TTN: variants seen among roughly 807,000 people sequenced by gnomAD.
The protein encoded by TTN is titin, also known as connectin.
A neutral mutation model predicts 3,223.0 loss-of-function variants in TTN; 1,525 were observed. The ratio of observed to expected loss-of-function variants is 0.47; its 90% CI spans 0.45 to 0.49. The LOEUF (loss-of-function observed/expected upper bound fraction) is 0.49. Among genes scored for constraint, TTN ranks in the 20% least tolerant of loss-of-function variants. The probability of loss-of-function intolerance (pLI) is 0.00; values close to 1 mark genes in which losing one functional copy is unlikely to be tolerated. For synonymous variants in TTN, 14,094 were observed against 15,161.0 expected, an observed-to-expected ratio of 0.93 and a Z score of 5.17; for missense variants, 40,786 against 43,424.0, an observed-to-expected ratio of 0.94 and a Z score of 5.40.
rs553520141 is a variant in TTN, at chr2:178,698,880, T to G, written c.30717A>C (p.Lys10239Asn). The change falls in exon 112 of 363, where the codon AAA (lysine) becomes AAC (asparagine). Residue 10239 changes from lysine (K) to asparagine (N), a missense_variant. Transcript: ENST00000589042. ...TKKAVKKDAKKVVAKPKEMTP... is the reference protein window; with the variant it reads ...TKKAVKKDAKNVVAKPKEMTP... Reference sequence around the variant, plus strand: ...TCATCTCTTTGGGCTTTGCAACAACTTTTTTGGCATCTTTCTTCACAGCCT... The same window carrying G: ...TCATCTCTTTGGGCTTTGCAACAACGTTTTTGGCATCTTTCTTCACAGCCT... 45 of 1,538,130 alleles carry G rather than the reference T, an allele frequency of 2.9e-5. No individual in the cohort carries two copies. The East Asian group carries it at 1.1e-3, about 37-fold the overall frequency.
chr2:178,542,347 T>C lies in TTN; in HGVS notation c.97409A>G (p.Tyr32470Cys). The change falls in exon 349 of 363, where the codon TAT becomes TGT. Residue 32470 changes from tyrosine (Y) to cysteine (C), a missense_variant. Transcript: ENST00000589042. ...KFTRLTEGNE[Y>C]VFRVAATNRF... Reference sequence around the variant, plus strand: ...GTTTGTTGCAGCCACACGGAACACATACTCATTTCCTTCGGTGAGTCTGGT... The same window carrying C: ...GTTTGTTGCAGCCACACGGAACACACACTCATTTCCTTCGGTGAGTCTGGT... 2 of 1,613,468 alleles carry C rather than the reference T, an allele frequency of 1.2e-6. No homozygotes were observed. Among genetic ancestry groups the C allele is most frequent in the Non-Finnish European group, 1.7e-6 (2 of 1,179,678 alleles).
At chr2:178,779,740 A>G (rs2092598081) in intron 22 of TTN, 4 of 537,610 alleles carry the variant, frequency 7.4e-6, no homozygotes, top group South Asian at 4.5e-5. Flanking sequence ...GAATGAACTC[A>G]GCTGTGCTAA....
rs2092390398 is a variant in TTN, at chr2:178,777,852, C to T, written c.4332G>A (p.Glu1444=). 6.2e-7 allele frequency: 1 copy of T among 1,614,056 alleles called. No homozygotes were observed. Among genetic ancestry groups the T allele is most frequent in the Middle Eastern group, 1.7e-4 (1 of 6,060 alleles). Residue 1444 remains glutamate (E), a synonymous_variant, in exon 25 of 363, where the codon GAG becomes GAA. Transcript: ENST00000589042. The stretch of plus-strand genomic sequence containing the variant: ...TCTCAAGTTGTGACTCATCTGTCTC[C>T]TCCAGCCTACGTCCAGGGGACATTC... ...PARMSPGRRL[E]ETDESQLERL...
Position 178,773,326 on chromosome 2 carries a change from T to A in TTN, c.7638A>T (p.Glu2546Asp). The change falls in exon 33 of 363, where the codon GAA (glutamate) becomes GAT (aspartate). Residue 2546 changes from glutamate (E) to aspartate (D), a missense_variant. Glu to Asp is a conservative substitution (Grantham distance 45). Transcript: ENST00000589042. ...CAACCTCAAACACCACATTTTGAGTTTCTGTACAGGTAAGGTCACGAAGAC... is the reference window on the plus strand; with the variant it reads ...CAACCTCAAACACCACATTTTGAGTATCTGTACAGGTAAGGTCACGAAGAC... ...IRGLRDLTCTETQNVVFEVEL... is the reference protein window; with the variant it reads ...IRGLRDLTCTDTQNVVFEVEL... The A allele has an allele frequency of 6.2e-7, 1 of 1,614,004 alleles. No individual in the cohort carries two copies. Among genetic ancestry groups the A allele is most frequent in the Non-Finnish European group, 8.5e-7 (1 of 1,179,992 alleles).
chr2:178,637,146 G>GAGATAT (rs563909076), intron 224 of TTN, among the ~76,000 whole-genome samples: 1 of 49,186 alleles, frequency 2.0e-5, no homozygotes, highest in East Asian at 6.6e-4. Context: ...AATATAGTTG[G>GAGATAT]ATATATATAT....
rs1362825687 is a variant in TTN, at chr2:178,564,759, T to G, written c.81373A>C (p.Thr27125Pro). Residue 27125 changes from threonine (T) to proline (P), a missense_variant, in exon 326 of 363, where the codon ACC (threonine) becomes CCC (proline). Physicochemically the swap from Thr to Pro is conservative, Grantham distance 38 (BLOSUM62 -1). Transcript: ENST00000589042. ...NSILWVKLNKTPIQDTKFKTT... is the reference protein window; with the variant it reads ...NSILWVKLNKPPIQDTKFKTT... ...TTGAATTTGGTGTCCTGAATGGGGG[T>G]CTTATTTAACTTGACCCATAAAATA... The G allele has an allele frequency of 2.5e-6, 4 of 1,612,312 alleles. No homozygotes were observed. Among genetic ancestry groups the G allele is most frequent in the Non-Finnish European group, 2.5e-6 (3 of 1,179,100 alleles).
chr2:178,794,310 CT>C, intron 8 of TTN, 88 bp downstream of exon 8: 1 of 1,581,666 alleles, frequency 6.3e-7, no homozygotes, highest in Non-Finnish European at 8.6e-7. Flanking sequence ...TTGAGCACAG[CT>C]GCATGCCAAG....
At chr2:178,633,149 C>A (rs1290554746) in intron 233 of TTN, 38 bp downstream of exon 233, 1 of 1,603,390 alleles carries the variant, frequency 6.2e-7, no homozygotes. Flanking sequence ...CACAACCAAG[C>A]AACCCCTCTC....
chr2:178,749,595 AT>A, intron 47 of TTN: 1 of 1,612,046 alleles, frequency 6.2e-7, no homozygotes, highest in Non-Finnish European at 8.5e-7. Context: ...TCTCTGGAAT[AT>A]TTTCCATAAA....
In TTN at chr2:178,579,923, T is replaced by C; in HGVS notation, c.67348+16A>G. The C allele has an allele frequency of 1.2e-6, 2 of 1,612,858 alleles. No homozygotes were observed. Among genetic ancestry groups the C allele is most frequent in the South Asian group, 2.2e-5 (2 of 91,008 alleles). On this transcript the variant is annotated intron_variant, in intron 318 of 362. Coordinates refer to ENST00000589042, the MANE Select transcript of TTN (RefSeq NM_001267550.2). ...GATATAACTCAAAATGATGGGATGA[T>C]GGTTCATTTGCTTACGGGAAGCTTT...
rs1415840930 is a variant in TTN, at chr2:178,572,433, A to C, written c.73699T>G (p.Ser24567Ala). The C allele has an allele frequency of 6.2e-7, 1 of 1,612,692 alleles. No individual in the cohort carries two copies. Among genetic ancestry groups the C allele is most frequent in the Non-Finnish European group, 8.5e-7 (1 of 1,179,018 alleles). Residue 24567 changes from serine to alanine, a missense_variant, in exon 326 of 363, where the codon TCA becomes GCA. Transcript: ENST00000589042. Reference sequence around the variant, plus strand: ...TTGTGGCAGTTTGTTGCAACAGTTGAATATGCTTTTCTTGTTGATTCCCGC... The same window carrying C: ...TTGTGGCAGTTTGTTGCAACAGTTGCATATGCTTTTCTTGTTGATTCCCGC... The part of the protein sequence containing the change: ...EKRESTRKAY[S>A]TVATNCHKTS...
chr2:178,725,530 C>T lies in TTN; in HGVS notation c.20674G>A (p.Glu6892Lys), dbSNP rs185833299. ...TTTTCACTTTCTCTAATCACTTCTT[C>T]CTTCTCTTTAAGCCACTGGACAAAA... Reference protein sequence around the residue: ...PIFVQWLKEKEEVIRESENIR... With the variant: ...PIFVQWLKEKKEVIRESENIR... Residue 6892 changes from glutamate (E) to lysine (K), a missense_variant, in exon 71 of 363, where the codon GAA (glutamate) becomes AAA (lysine). Transcript: ENST00000589042. 12 of 1,613,224 alleles carry T rather than the reference C, an allele frequency of 7.4e-6. No individual in the cohort carries two copies. In the African/African-American group the frequency reaches 1.3e-4, roughly 18 times the overall value.
chr2:178,745,320 A>G, intron 47 of TTN: 2 of 1,299,572 alleles, frequency 1.5e-6, no homozygotes, highest in Non-Finnish European at 2.0e-6. Flanking sequence ...ACAAACAATT[A>G]GGTAGCCAAG....
At chr2:178,637,164 T>TATAC (rs2060567402) in intron 224 of TTN, among the ~76,000 whole-genome samples, 1 of 120,496 alleles carries the variant, frequency 8.3e-6, no homozygotes, top group African/African-American at 3.6e-5. Flanking sequence ...TATATATATA[T>TATAC]ATATATATAT....
intron 89 of TTN, 29 bp from the exon 90 acceptor site, chr2:178,715,293 T>G (rs2077313707): frequency 6.4e-7 from 1 of 1,573,066 alleles, no homozygotes; most frequent in Admixed American, 1.8e-5. Context: ...AAAATACGGA[T>G]GTATTCTGTA....
chr2:178,563,817 C>T lies in TTN; in HGVS notation c.82315G>A (p.Glu27439Lys), dbSNP rs748460030. Reference protein sequence around the residue: ...YKVTKLLPGNEYIFRVMAVNK... With the variant: ...YKVTKLLPGNKYIFRVMAVNK... ...ACAGCCATGACACGGAAAATGTACT[C>T]ATTACCAGGAAGAAGTTTAGTAACT... The change falls in exon 326 of 363, where the codon GAG becomes AAG. Residue 27439 changes from glutamate (E) to lysine (K), a missense_variant. Transcript: ENST00000589042. This position sits in a 1 kb window ranked among gnomAD's most constrained non-coding sequence, Gnocchi z 4.5. 5 of 1,613,578 alleles carry T rather than the reference C, an allele frequency of 3.1e-6. No homozygotes were observed. In the African/African-American group the frequency reaches 4.0e-5, roughly 13 times the overall value.
chr2:178,542,073 G>A (rs72648268), intron 349 of TTN, 191 bp downstream of exon 349: 383 of 506,404 alleles, frequency 7.6e-4, no homozygotes, highest in Non-Finnish European at 1.2e-3. Context: ...TCAAGCCTAA[G>A]TGTGTTGAAA....
Position 178,734,788 on chromosome 2 carries a change from C to T in TTN, c.15136G>A (p.Val5046Ile), listed in dbSNP as rs1395287554. 2 of 1,613,792 alleles carry T rather than the reference C, an allele frequency of 1.2e-6. No individual in the cohort carries two copies. The highest frequency in any genetic ancestry group is 1.1e-5 in the South Asian group (1 of 91,056). ...CATGAGTAACTCCCACTGTCTTCAA[C>T]TTTTACATCCGTAATATCAAGTATA... ...EAILDITDVK[V>I]EDSGSYSCEA... The change falls in exon 51 of 363, where the codon GTT (valine) becomes ATT (isoleucine). Residue 5046 changes from valine (V) to isoleucine (I), a missense_variant. Physicochemically the swap from Val to Ile is conservative, Grantham distance 29. Coordinates refer to ENST00000589042, the MANE Select transcript of TTN (RefSeq NM_001267550.2).
rs201246720 is a variant in TTN, at chr2:178,534,690, T to C, written c.101925A>G (p.Leu33975=). ...GTGCATAGTATTCTGGGGCAGTGAA[T>C]AGAAGCCTGAAGTTGTCCCCTGGTT... ...QLKPGDNFRL[L]FTAPEYYAPE... is the part of the protein sequence containing the mutation. The change falls in exon 358 of 363, where the codon CTA becomes CTG. Residue 33975 remains leucine (L), a synonymous_variant. Coordinates refer to ENST00000589042, the MANE Select transcript of TTN (RefSeq NM_001267550.2). The C allele has an allele frequency of 5.4e-4, 868 of 1,613,878 alleles. 1 individual carries two copies. Among genetic ancestry groups the C allele is most frequent in the Non-Finnish European group, 7.1e-4 (835 of 1,179,804 alleles).
Sources: allele counts gnomAD v4.1 joint callset (sites outside exome capture counted in the v4.1 genomes callset), GRCh38; gene constraint gnomAD v4.1.1; non-coding constraint Gnocchi (gnomAD v3.1); transcripts MANE v1.5; gene names NCBI Gene and HGNC (gene_info 2026-07-23, HGNC 2026-07-21).